ARHGEF18: variants seen among roughly 807,000 people sequenced by gnomAD.
The protein encoded by ARHGEF18 is Rho/Rac guanine nucleotide exchange factor 18.
In ARHGEF18, 93 loss-of-function variants were observed where a neutral mutation model predicts 155.7. The observed-to-expected ratio is 0.60, with a 90% CI of 0.50 to 0.71. ARHGEF18 has a LOEUF of 0.71. ARHGEF18 is among the 30% of genes least tolerant of loss of function. The pLI is 0.00. For missense variants in ARHGEF18, 1,593 were observed against 1,816.1 expected (o/e 0.88, Z 2.23); for synonymous variants, 742 against 753.1 (o/e 0.99, Z 0.24).
intron 10 of ARHGEF18, chr19:7,439,878 G>A (rs1974512435): frequency 6.9e-7 from 1 of 1,450,804 alleles, no homozygotes. Flanking sequence ...AGAGCCTGGA[G>A]GGGTTGTTTT....
downstream of ARHGEF18, among the ~76,000 whole-genome samples, chr19:7,475,105 T>C (rs558222862): frequency 4.7e-4 from 72 of 152,224 alleles, 1 homozygote; most frequent in African/African-American, 1.2e-3. Context: ...TGCTTGGGCG[T>C]GCCTGTAGTC....
chr19:7,385,745 G>A (rs1231103284), intron 10 of ARHGEF18, among the ~76,000 whole-genome samples: 1 of 151,266 alleles, frequency 6.6e-6, no homozygotes, highest in Non-Finnish European at 1.5e-5. Context: ...CAAAGTGCTG[G>A]GATTACAGGC....
downstream of ARHGEF18, chr19:7,473,223 G>T (rs757188267): frequency 6.4e-5 from 29 of 456,098 alleles, 1 homozygote; most frequent in South Asian, 4.5e-4. Context: ...TTCAACAGAG[G>T]GTTTCCCATC....
intron 13 of ARHGEF18, among the ~76,000 whole-genome samples, chr19:7,443,196 A>C (rs1019960183): frequency 2.0e-5 from 3 of 151,142 alleles, no homozygotes; most frequent in African/African-American, 7.3e-5. Flanking sequence ...AGCTGGAATT[A>C]CAGGCGCCCA....
At chr19:7,411,421 C>T (rs1381464817) in intron 10 of ARHGEF18, among the ~76,000 whole-genome samples, 3 of 152,060 alleles carry the variant, frequency 2.0e-5, no homozygotes, top group African/African-American at 7.2e-5. Context: ...GTTCTCCTGC[C>T]TCAGCCTCCC....
downstream of ARHGEF18, chr19:7,477,326 CG>C: frequency 6.4e-7 from 1 of 1,560,164 alleles, no homozygotes; most frequent in Non-Finnish European, 8.7e-7. Flanking sequence ...CAGCACGCCC[CG>C]GGGCAGCCAG....
rs2145893710 is a variant in ARHGEF18, at chr19:7,463,802, C to T, written c.2636-16C>T. 1.2e-6 allele frequency: 2 copies of T among 1,600,234 alleles called. No homozygotes were observed. Among genetic ancestry groups the T allele is most frequent in the Admixed American group, 1.7e-5 (1 of 58,218 alleles). On this transcript the variant is annotated splice_polypyrimidine_tract_variant and intron_variant, in intron 21 of 28. Transcript: ENST00000668164. The surrounding 1 kb of genome is among the most constrained non-coding windows in gnomAD (Gnocchi z 5.2). ...CCGCAGGGCGACCCGTGCCTCCTGTCCCCTTCCTTCCACAGTCGAGGGCAT... is the reference window on the plus strand; with the variant it reads ...CCGCAGGGCGACCCGTGCCTCCTGTTCCCTTCCTTCCACAGTCGAGGGCAT...
At chr19:7,447,376 C>G (rs939677461) in intron 15 of ARHGEF18, among the ~76,000 whole-genome samples, 2 of 151,926 alleles carry the variant, frequency 1.3e-5, no homozygotes, top group African/African-American at 4.8e-5. Context: ...GTAATCCCAG[C>G]TACTTGGGAG....
chr19:7,385,932 CTCT>C (rs1971034966), intron 10 of ARHGEF18, among the ~76,000 whole-genome samples: 1 of 96,584 alleles, frequency 1.0e-5, no homozygotes, highest in Non-Finnish European at 2.0e-5. Context: ...CTCTCTCTCT[CTCT>C]CCCCCTCTCC....
intron 20 of ARHGEF18, among the ~76,000 whole-genome samples, chr19:7,460,669 G>C (rs925357152): frequency 2.1e-4 from 32 of 152,052 alleles, no homozygotes; most frequent in African/African-American, 7.5e-4. Context: ...GGCTCCTCTC[G>C]AGGTGTGGTA....
intron 17 of ARHGEF18, 21 bp downstream of exon 17, chr19:7,453,736 A>G (rs1358608833): frequency 6.6e-7 from 1 of 1,519,044 alleles, no homozygotes; most frequent in East Asian, 2.3e-5. Flanking sequence ...GCCCCTGCCC[A>G]CCTCTAGTGG....
At chr19:7,466,795 A>C in intron 23 of ARHGEF18, 123 bp from the exon 24 acceptor site, 2 of 945,204 alleles carry the variant, frequency 2.1e-6, no homozygotes, top group Non-Finnish European at 1.5e-6. Context: ...CAAGAGCAGA[A>C]TTCCGTCTCA....
intron 8 of ARHGEF18, among the ~76,000 whole-genome samples, chr19:7,381,992 T>A (rs1970769293): frequency 6.6e-6 from 1 of 152,222 alleles, no homozygotes; most frequent in South Asian, 2.1e-4. Flanking sequence ...AGGAATCATG[T>A]CTGCCTTATA....
rs151134929 is a variant in ARHGEF18, at chr19:7,447,786, G to T, written c.1737+618G>T. Among the ~76,000 whole-genome samples the T allele has an allele frequency of 7.2e-5, 11 of 152,048 alleles. No individual in the cohort carries two copies. The East Asian group carries it at 2.2e-3, about 30-fold the overall frequency. On this transcript the variant is annotated intron_variant, in intron 15 of 28. Coordinates refer to ENST00000668164, the MANE Select transcript of ARHGEF18 (RefSeq NM_001367823.1). ...AGGCAGGAGGATCACTTGAGGCCAG[G>T]AGTTCGAGACCAGCCTGGGCAACAT... is the stretch of plus-strand genomic sequence containing the variant.
chr19:7,441,583 C>A, intron 11 of ARHGEF18, 70 bp from the exon 12 acceptor site: 1 of 1,214,628 alleles, frequency 8.2e-7, no homozygotes. Flanking sequence ...ACCGATGTGC[C>A]TTTGTTGCAT....
rs1376485836 is a variant in ARHGEF18, at chr19:7,399,407, T to C, written c.967+16204T>C. On this transcript the variant is annotated intron_variant, in intron 10 of 28. Coordinates refer to ENST00000668164, the MANE Select transcript of ARHGEF18 (RefSeq NM_001367823.1). ...GCTTTTGTCAGAGATAGATTCATAGTTTCAACTGAGTATAGAGTTCTAGTC... is the reference window on the plus strand; with the variant it reads ...GCTTTTGTCAGAGATAGATTCATAGCTTCAACTGAGTATAGAGTTCTAGTC... Among the ~76,000 whole-genome samples the C allele has an allele frequency of 2.6e-5, 4 of 152,196 alleles. No homozygotes were observed. In the East Asian group the frequency reaches 7.7e-4, roughly 29 times the overall value.
chr19:7,351,769 A>G lies in ARHGEF18; in HGVS notation c.-111+2528A>G, dbSNP rs186747932. 2.1e-3 allele frequency among the ~76,000 whole-genome samples: 301 copies of G among 144,052 alleles called. 1 individual carries two copies. The highest frequency in any genetic ancestry group is 3.7e-3 in the Non-Finnish European group (245 of 66,576). 94.5% of individuals were successfully genotyped at this position (144,052 alleles called of 152,430 possible). A position where few individuals can be genotyped will look rare whatever the true frequency, so the allele number is the denominator to read the frequency against. ...GAGTGCAGTGGCACAGTCTCAGCTC[A>G]CTGCAACCTCCACCTCCTGGGTTCA... On this transcript the variant is annotated intron_variant, in intron 1 of 28. Coordinates refer to ENST00000668164, the MANE Select transcript of ARHGEF18 (RefSeq NM_001367823.1).
intron 23 of ARHGEF18, 67 bp from the exon 24 acceptor site, chr19:7,466,851 G>GAAT: frequency 1.3e-6 from 1 of 791,922 alleles, no homozygotes; most frequent in Non-Finnish European, 2.0e-6. Flanking sequence ...AGAAGAAGAA[G>GAAT]AAGGCTTGAG....
intron 17 of ARHGEF18, among the ~76,000 whole-genome samples, chr19:7,454,451 C>T (rs1300929899): frequency 6.7e-6 from 1 of 149,442 alleles, no homozygotes; most frequent in African/African-American, 2.5e-5. Flanking sequence ...CAGTGGCCAC[C>T]ATTTTGATTG....
Sources: gnomAD v4.1 joint callset for allele counts (sites outside exome capture counted in the v4.1 genomes callset) on GRCh38, gnomAD v4.1.1 for gene constraint, Gnocchi (gnomAD v3.1) non-coding constraint, MANE v1.5 for transcripts, NCBI Gene and HGNC (gene_info 2026-07-23, HGNC 2026-07-21) for gene names.